The following NLRC5 variants were observed in gnomAD, a reference collection of about 807,000 sequenced individuals.
The protein encoded by NLRC5 is protein NLRC5.
In NLRC5, 114 loss-of-function variants were observed where a neutral mutation model predicts 206.9. The observed-to-expected ratio is 0.55, with a 90% CI of 0.47 to 0.64. The LOEUF (loss-of-function observed/expected upper bound fraction) is 0.64. Ranked by LOEUF, NLRC5 falls within the 30% of genes least tolerant of loss-of-function variation. The probability of loss-of-function intolerance (pLI) is 0.00; values close to 1 mark genes in which losing one functional copy is unlikely to be tolerated. For synonymous variants in NLRC5, 952 were observed against 962.8 expected (o/e 0.99, Z 0.21); for missense variants, 2,008 against 2,305.5 (o/e 0.87, Z 2.64).
intron 28 of NLRC5, chr16:57,058,360 A>G: frequency 1.8e-6 from 1 of 562,806 alleles, no homozygotes; most frequent in East Asian, 3.0e-5. Context: ...TCCTCCACCA[A>G]ACACCCAAGA....
At chr16:57,060,449 A>G (rs1320461066) in intron 30 of NLRC5, among the ~76,000 whole-genome samples, 2 of 151,284 alleles carry the variant, frequency 1.3e-5, no homozygotes, top group Non-Finnish European at 3.0e-5. Context: ...AGCACACACA[A>G]CACACGCACA....
At chr16:57,015,598 A>ATAAGTAAG (rs370606071) in intron 1 of NLRC5, among the ~76,000 whole-genome samples, 1 of 40,484 alleles carries the variant, frequency 2.5e-5, no homozygotes, top group African/African-American at 6.5e-5. Context: ...AAAAAAATAA[A>ATAAGTAAG]TAAATAAATA....
At chr16:57,069,651 T>C in intron 36 of NLRC5, 185 bp from the exon 37 acceptor site, 1 of 607,346 alleles carries the variant, frequency 1.6e-6, no homozygotes, top group Non-Finnish European at 3.0e-6. Flanking sequence ...AGTCCATGCT[T>C]CTGCTTCCAA....
In NLRC5 at chr16:57,077,722, C is replaced by G. The variant is rs774399201; in HGVS notation, c.4923C>G (p.Leu1641=). The part of the protein sequence containing the change: ...PGLPELRKID[L]SGNSISSAGG... ...GATGGCTGCCCCCCTCCCACAGCCT[C>G]TCAGGGAATAGCATCAGCTCAGCCG... Residue 1641 remains leucine (L), a synonymous_variant, in exon 42 of 49, where the codon CTC becomes CTG. Transcript: ENST00000688547. The G allele has an allele frequency of 2.5e-6, 4 of 1,581,914 alleles. No individual in the cohort carries two copies. The highest frequency in any genetic ancestry group is 3.4e-6 in the Non-Finnish European group (4 of 1,161,830).
At chr16:57,027,117 A>G in intron 6 of NLRC5, 99 bp downstream of exon 6, 1 of 1,367,884 alleles carries the variant, frequency 7.3e-7, no homozygotes, top group Non-Finnish European at 9.9e-7. Context: ...CTGGATAAGA[A>G]TCTTGAATAT....
intron 19 of NLRC5, 80 bp from the exon 20 acceptor site, chr16:57,043,435 C>A: frequency 9.2e-7 from 1 of 1,087,494 alleles, no homozygotes; most frequent in Non-Finnish European, 1.4e-6. Context: ...GGGATCCCTC[C>A]CCCGCCCTGT....
chr16:57,050,704 C>T (rs561394581), intron 23 of NLRC5, among the ~76,000 whole-genome samples: 8 of 152,220 alleles, frequency 5.3e-5, no homozygotes, highest in African/African-American at 1.2e-4. Context: ...TGGGTTCTGA[C>T]GAATTATCTG....
At chr16:57,064,745 G>A (rs2066904598) in intron 32 of NLRC5, among the ~76,000 whole-genome samples, 1 of 152,114 alleles carries the variant, frequency 6.6e-6, no homozygotes. Context: ...CCAACATGGT[G>A]AAACCCCATC....
intron 32 of NLRC5, among the ~76,000 whole-genome samples, chr16:57,063,197 C>A (rs1001374101): frequency 6.6e-6 from 1 of 150,668 alleles, no homozygotes; most frequent in Non-Finnish European, 1.5e-5. Flanking sequence ...ACTGCACCCT[C>A]CACCTCTTGG....
intron 35 of NLRC5, 57 bp downstream of exon 35, chr16:57,067,527 T>C: frequency 6.7e-7 from 1 of 1,503,294 alleles, no homozygotes; most frequent in Non-Finnish European, 9.3e-7. Flanking sequence ...CCCTGGTACC[T>C]ACTCCAGGCC....
rs780542226 is a variant in NLRC5, at chr16:57,065,198, C to A, written c.4155-14C>A. ...ACCTTGGGGGGGCCTTATCTGTGTC[C>A]CCTTCTGTGACAGGGTGCAGGAGCC... On this transcript the variant is annotated splice_polypyrimidine_tract_variant and intron_variant, in intron 32 of 48. Transcript: ENST00000688547. 2.7e-6 allele frequency: 4 copies of A among 1,504,214 alleles called. No homozygotes were observed. Among genetic ancestry groups the A allele is most frequent in the Non-Finnish European group, 3.6e-6 (4 of 1,114,204 alleles). 93.2% of individuals were successfully genotyped at this position (1,504,214 alleles called of 1,614,324 possible).
chr16:57,003,535 G>T (rs959391157), intron 1 of NLRC5, among the ~76,000 whole-genome samples: 3 of 152,078 alleles, frequency 2.0e-5, no homozygotes, highest in Admixed American at 6.6e-5. Context: ...TTCTTCCGGG[G>T]TCGCCTTTGC....
At position 57,006,537 on chromosome 16, in the gene NLRC5, T is replaced by G. The variant is rs559168108; in HGVS notation, c.-127-10537T>G. Among the ~76,000 whole-genome samples, 13 of 148,920 alleles carry G rather than the reference T, an allele frequency of 8.7e-5. No homozygotes were observed. The South Asian group carries it at 2.6e-3, about 30-fold the overall frequency. ...AAGTGATCCTCCCACCTCAGCCTCCTGAGTGGCTGGATGCTGCTTCTTTCT... is the reference window on the plus strand; with the variant it reads ...AAGTGATCCTCCCACCTCAGCCTCCGGAGTGGCTGGATGCTGCTTCTTTCT... On this transcript the variant is annotated intron_variant, in intron 1 of 48. Coordinates refer to ENST00000688547, the MANE Select transcript of NLRC5 (RefSeq NM_001384950.1).
At chr16:57,063,868 A>T (rs2066810891) in intron 32 of NLRC5, among the ~76,000 whole-genome samples, 1 of 151,940 alleles carries the variant, frequency 6.6e-6, no homozygotes, top group Non-Finnish European at 1.5e-5. Flanking sequence ...CCTCCAGAGT[A>T]GCTGGGACTA....
intron 25 of NLRC5, 88 bp from the exon 26 acceptor site, chr16:57,054,944 C>A (rs2065410804): frequency 1.9e-6 from 3 of 1,585,082 alleles, no homozygotes; most frequent in Non-Finnish European, 2.6e-6. Flanking sequence ...CAACTAGAGG[C>A]TGGGCTTCCG....
Position 57,025,889 on chromosome 16 carries a change from A to G in NLRC5, c.946A>G (p.Met316Val), listed in dbSNP as rs2061229953. Residue 316 changes from methionine (M) to valine (V), a missense_variant, in exon 6 of 49, where the codon ATG becomes GTG. Physicochemically the swap from Met to Val is conservative, Grantham distance 21 (BLOSUM62 1). Transcript: ENST00000688547. ...TGGGCTAGATGAGGCCCTCCAGCCT[A>G]TGGGTCCTGATGGCCCAGGCCCAGT... is the stretch of plus-strand genomic sequence containing the variant. Reference protein sequence around the residue: ...FDGLDEALQPMGPDGPGPVLT... With the variant: ...FDGLDEALQPVGPDGPGPVLT... 17 of 1,614,168 alleles carry G rather than the reference A, an allele frequency of 1.1e-5. No homozygotes were observed. The highest frequency in any genetic ancestry group is 1.4e-5 in the Non-Finnish European group (17 of 1,180,020).
chr16:57,054,909 G>A (rs1481219259), intron 25 of NLRC5, 69 bp downstream of exon 25: 3 of 1,586,098 alleles, frequency 1.9e-6, no homozygotes, highest in African/African-American at 1.3e-5. Context: ...TGGGTATGAG[G>A]GGGTAGGATG....
At chr16:57,050,430 G>A (rs974483966) in intron 23 of NLRC5, among the ~76,000 whole-genome samples, 1 of 152,262 alleles carries the variant, frequency 6.6e-6, no homozygotes, top group Admixed American at 6.5e-5. Context: ...GGAGAAAGCA[G>A]CAGAGATGGG....
Position 57,045,480 on chromosome 16 carries a change from A to T in NLRC5, c.3236A>T (p.Asp1079Val). ...FESQHILLRG[D>V]KTSRDMWATG... ...AGCCAACACATCCTCCTGAGAGGGG[A>T]CAAGACAAGCAGGTGAGGAGGGAAC... Residue 1079 changes from aspartate (D) to valine (V), a missense_variant, in exon 21 of 49, where the codon GAC (aspartate) becomes GTC (valine). By Grantham distance (152) the Asp-to-Val change is radical. Transcript: ENST00000688547. The T allele has an allele frequency of 6.2e-7, 1 of 1,614,034 alleles. No homozygotes were observed. Among genetic ancestry groups the T allele is most frequent in the Non-Finnish European group, 8.5e-7 (1 of 1,179,990 alleles).
Sources: allele counts gnomAD v4.1 joint callset (sites outside exome capture counted in the v4.1 genomes callset), GRCh38; gene constraint gnomAD v4.1.1; transcripts MANE v1.5; gene names NCBI Gene and HGNC (gene_info 2026-07-23, HGNC 2026-07-21).